ANAPC16: variants seen among roughly 807,000 people sequenced by gnomAD.
The protein encoded by ANAPC16 is anaphase promoting complex subunit 16, also known as anaphase-promoting complex subunit 16.
ANAPC16 carries 6 observed loss-of-function variants against 13.1 expected under a neutral mutation model. The observed-to-expected ratio is 0.46, with a 90% confidence interval of 0.25 to 0.90. The LOEUF (loss-of-function observed/expected upper bound fraction) is 0.90, where lower values mean the gene tolerates loss of function less well. Ranked by LOEUF, ANAPC16 falls within the 40% of genes least tolerant of loss-of-function variation. The pLI, the probability that ANAPC16 is intolerant of heterozygous loss-of-function variation, is 0.18. For missense variants in ANAPC16, 113 were observed against 131.1 expected (o/e 0.86, Z 0.67); for synonymous variants, 55 against 51.3 (o/e 1.07, Z -0.31).
chr10:72,227,019 C>T (rs1386352444), intron 2 of ANAPC16, among the ~76,000 whole-genome samples: 1 of 152,136 alleles, frequency 6.6e-6, no homozygotes, highest in African/African-American at 2.4e-5. Flanking sequence ...TATATTATGA[C>T]TTCATTTATA....
In ANAPC16 at chr10:72,233,191, C is replaced by T. The variant is rs1860381519; in HGVS notation, c.*75C>T. The T allele has an allele frequency of 7.2e-6, 8 of 1,116,066 alleles. No individual in the cohort carries two copies. Among genetic ancestry groups the T allele is most frequent in the African/African-American group, 1.5e-5 (1 of 64,860 alleles). 69.1% of individuals were successfully genotyped at this position (1,116,066 alleles called of 1,614,324 possible). ...GGGACTTTCTCACAGCTTACATAGC[C>T]ATCCAGAGATCCACAGCTACGTCAC... On this transcript the variant is annotated 3_prime_UTR_variant, in exon 4 of 4. Transcript: ENST00000299381.
At position 72,230,402 on chromosome 10, in the gene ANAPC16, G is replaced by A. The variant is rs1489318659; in HGVS notation, c.179G>A (p.Ser60Asn). Residue 60 changes from serine (S) to asparagine (N), a missense_variant, in exon 3 of 4, where the codon AGC becomes AAC. Ser to Asn is a conservative substitution (Grantham distance 46). Transcript: ENST00000299381. ...AGATTCCTCTGCGAATCTGTTTTTA[G>A]CTATCAAGTGGCATCCACGCTTAAA... ...SERFLCESVFSYQVASTLKQV... is the reference protein window; with the variant it reads ...SERFLCESVFNYQVASTLKQV... 1 of 1,614,076 alleles carries A rather than the reference G, an allele frequency of 6.2e-7. No homozygotes were observed. The highest frequency in any genetic ancestry group is 1.7e-5 in the Admixed American group (1 of 60,024).
At chr10:72,227,876 CAAAAA>C (rs57330798) in intron 2 of ANAPC16, among the ~76,000 whole-genome samples, 1 of 76,624 alleles carries the variant, frequency 1.3e-5, no homozygotes, top group African/African-American at 3.5e-5. Context: ...ACTAAAAATA[CAAAAA>C]AAAAAAAAAA....
At chr10:72,227,089 C>T (rs1860145451) in intron 2 of ANAPC16, among the ~76,000 whole-genome samples, 1 of 152,118 alleles carries the variant, frequency 6.6e-6, no homozygotes, top group African/African-American at 2.4e-5. Flanking sequence ...ATGGGAGACA[C>T]TTAAATTGCT....
chr10:72,230,451 G>A lies in ANAPC16; in HGVS notation c.217+11G>A, dbSNP rs949901004. The stretch of plus-strand genomic sequence containing the variant: ...AACAGGTGAAACATGGTAAGCACAT[G>A]AGTGTTGCGTACTTGACTGTGAGAA... On this transcript the variant is annotated intron_variant, in intron 3 of 3. Transcript: ENST00000299381. The A allele has an allele frequency of 6.2e-7, 1 of 1,612,244 alleles. No individual in the cohort carries two copies. The highest frequency in any genetic ancestry group is 8.5e-7 in the Non-Finnish European group (1 of 1,178,620).
rs1860433742 is a variant in ANAPC16, at chr10:72,235,143, T to A, written c.*2027T>A. Reference sequence around the variant, plus strand: ...TCTAGTCTGGGTGACAGAGCGAGACTCTGTCTCAAAAAAAAAAAAATAAAG... The same window carrying A: ...TCTAGTCTGGGTGACAGAGCGAGACACTGTCTCAAAAAAAAAAAAATAAAG... On this transcript the variant is annotated 3_prime_UTR_variant, in exon 4 of 4. Coordinates refer to ENST00000299381, the MANE Select transcript of ANAPC16 (RefSeq NM_173473.4). 1.4e-5 allele frequency: 2 copies of A among 145,690 alleles called. No homozygotes were observed. The highest frequency in any genetic ancestry group is 5.3e-5 in the African/African-American group (2 of 37,830). The allele number at this position is 145,690 out of a possible 1,614,324, so 9.0% of individuals were successfully genotyped here.
intron 1 of ANAPC16, 182 bp downstream of exon 1, chr10:72,216,320 A>G (rs1431365537): frequency 1.4e-4 from 22 of 160,946 alleles, no homozygotes. Flanking sequence ...ATGCGGGCCG[A>G]GGGCTGGCGC....
intron 2 of ANAPC16, among the ~76,000 whole-genome samples, 167 bp from the exon 3 acceptor site, chr10:72,230,199 C>T (rs1184094344): frequency 6.6e-6 from 1 of 152,116 alleles, no homozygotes; most frequent in African/African-American, 2.4e-5. Flanking sequence ...GAATAAATAG[C>T]TTTTATAACA....
chr10:72,223,832 A>G, intron 1 of ANAPC16, 56 bp from the exon 2 acceptor site: 1 of 1,330,902 alleles, frequency 7.5e-7, no homozygotes, highest in Middle Eastern at 2.5e-4. Flanking sequence ...CTAGAATGAA[A>G]TGTTGTCACT....
Position 72,230,970 on chromosome 10 carries a change from C to T in ANAPC16, c.217+530C>T, listed in dbSNP as rs78239559. ...TTTTTCCTCTCCTGTCTGAAACCTC[C>T]TTTTACTGTTGTCCTCCACTGGTTA... On this transcript the variant is annotated intron_variant, in intron 3 of 3. Transcript: ENST00000299381. Among the ~76,000 whole-genome samples the T allele has an allele frequency of 9.1e-3, 1,392 of 152,254 alleles. 18 individuals carry two copies. The highest frequency in any genetic ancestry group is 0.031 in the African/African-American group (1,300 of 41,536).
At chr10:72,221,015 C>T (rs761026176) in intron 1 of ANAPC16, among the ~76,000 whole-genome samples, 1 of 152,160 alleles carries the variant, frequency 6.6e-6, no homozygotes, top group Admixed American at 6.6e-5. Flanking sequence ...CTCCCGAGTT[C>T]AAGCTATTCT....
At chr10:72,225,306 TAAAA>T (rs1353946502) in intron 2 of ANAPC16, among the ~76,000 whole-genome samples, 4 of 151,418 alleles carry the variant, frequency 2.6e-5, no homozygotes, top group Admixed American at 2.0e-4. Context: ...AATAAATAAA[TAAAA>T]TGCATATTTC....
At position 72,224,053 on chromosome 10, in the gene ANAPC16, G is replaced by A. The variant is rs1589711674; in HGVS notation, c.139G>A (p.Glu47Lys). ...CCCCAAAGGAGCTGGAGAGATGTTA[G>A]AAGGTGATCTCATGCTGCTTTCTGA... ...TYPKGAGEMLEDGSERFLCES... is the reference protein window; with the variant it reads ...TYPKGAGEMLKDGSERFLCES... Residue 47 changes from glutamate to lysine, a missense_variant, in exon 2 of 4, where the codon GAA becomes AAA. Physicochemically the swap from Glu to Lys is moderately conservative, Grantham distance 56. Coordinates refer to ENST00000299381, the MANE Select transcript of ANAPC16 (RefSeq NM_173473.4). 3 of 1,586,754 alleles carry A rather than the reference G, an allele frequency of 1.9e-6. No individual in the cohort carries two copies. The highest frequency in any genetic ancestry group is 1.7e-4 in the Middle Eastern group (1 of 5,936).
intron 2 of ANAPC16, among the ~76,000 whole-genome samples, chr10:72,227,818 G>A (rs1860170056): frequency 6.6e-6 from 1 of 150,570 alleles, no homozygotes; most frequent in African/African-American, 2.5e-5. Flanking sequence ...ATCACCTGAG[G>A]TCAGGAGTTC....
At chr10:72,220,323 C>A in intron 1 of ANAPC16, 1 of 111,802 alleles carries the variant, frequency 8.9e-6, no homozygotes, top group Non-Finnish European at 1.6e-5. Flanking sequence ...GAAACTCCGT[C>A]TCAAAAAAAA....
chr10:72,223,043 A>G (rs1860000051), intron 1 of ANAPC16: 2 of 150,406 alleles, frequency 1.3e-5, no homozygotes, highest in African/African-American at 4.9e-5. Flanking sequence ...GATGCCACCA[A>G]GTGATAAGTT....
intron 3 of ANAPC16, 75 bp from the exon 4 acceptor site, chr10:72,232,926 C>A: frequency 8.4e-7 from 1 of 1,185,772 alleles, no homozygotes; most frequent in South Asian, 1.2e-5. Context: ...TTATACCAGT[C>A]ATCATCTTGG....
rs72806293 is a variant in ANAPC16, at chr10:72,224,325, A to G, written c.142+269A>G. 2.7e-3 allele frequency among the ~76,000 whole-genome samples: 416 copies of G among 152,252 alleles called. 2 individuals are homozygous for G. Among genetic ancestry groups the G allele is most frequent in the Non-Finnish European group, 3.4e-3 (230 of 68,008 alleles). ...AGTGATTTGACCAGGTTAAAGGCAG[A>G]GTCAGGGCTGGGCACGGTGGCTCAC... On this transcript the variant is annotated intron_variant, in intron 2 of 3. Coordinates refer to ENST00000299381, the MANE Select transcript of ANAPC16 (RefSeq NM_173473.4).
chr10:72,228,736 A>G (rs928591840), intron 2 of ANAPC16, among the ~76,000 whole-genome samples: 1 of 152,254 alleles, frequency 6.6e-6, no homozygotes, highest in African/African-American at 2.4e-5. Flanking sequence ...GCAAATCAGC[A>G]AAAGTGTGTT....
Sources: allele counts gnomAD v4.1 joint callset (sites outside exome capture counted in the v4.1 genomes callset), GRCh38; gene constraint gnomAD v4.1.1; transcripts MANE v1.5; gene names NCBI Gene and HGNC (gene_info 2026-07-23, HGNC 2026-07-21).